FHIT: variants seen among roughly 807,000 people sequenced by gnomAD.
FHIT encodes fragile histidine triad diadenosine triphosphatase, also known as bis(5'-adenosyl)-triphosphatase.
FHIT carries 19 observed loss-of-function variants against 17.9 expected under a neutral mutation model. The ratio of observed to expected loss-of-function variants is 1.06; its 90% CI spans 0.74 to 1.56. The LOEUF is 1.56. Among genes scored for constraint, FHIT ranks in the 40% most tolerant of loss-of-function variants. FHIT has a pLI of 0.00. For missense variants in FHIT, 248 were observed against 189.2 expected (o/e 1.31, Z -1.82); for synonymous variants, 81 against 69.7 (o/e 1.16, Z -0.81).
At chr3:59,830,245 T>C (rs1168896705) in intron 8 of FHIT, among the ~76,000 whole-genome samples, 1 of 152,198 alleles carries the variant, frequency 6.6e-6, no homozygotes, top group East Asian at 1.9e-4. Flanking sequence ...AAATGCTGAG[T>C]ACAAATATTT....
intron 2 of FHIT, among the ~76,000 whole-genome samples, chr3:61,154,467 G>T (rs990487997): frequency 1.3e-5 from 2 of 150,054 alleles, no homozygotes; most frequent in African/African-American, 2.4e-5. Context: ...GAAAAACAGA[G>T]AAATTTTGTT....
rs143084419 is a variant in FHIT, at chr3:61,088,220, T to G, written c.-163-46121A>C. Among the ~76,000 whole-genome samples, 963 of 152,224 alleles carry G rather than the reference T, an allele frequency of 6.3e-3. 38 individuals are homozygous for G. The highest frequency in any genetic ancestry group is 0.057 in the Admixed American group (870 of 15,288). On this transcript the variant is annotated intron_variant, in intron 2 of 9. Coordinates refer to ENST00000492590, the MANE Select transcript of FHIT (RefSeq NM_002012.4). The stretch of plus-strand genomic sequence containing the variant: ...ACACTGCCCAGAAAAGAGTTTTGTT[T>G]TAGAACTGGAAGGTCATCCCAAGAA...
chr3:60,452,152 C>T (rs1394091045), intron 5 of FHIT, among the ~76,000 whole-genome samples: 1 of 152,168 alleles, frequency 6.6e-6, no homozygotes, highest in Non-Finnish European at 1.5e-5. Context: ...ATCTTCATTT[C>T]AGGCCCTGCA....
intron 2 of FHIT, among the ~76,000 whole-genome samples, chr3:61,143,604 G>A (rs539810219): frequency 1.3e-5 from 2 of 152,310 alleles, no homozygotes; most frequent in South Asian, 4.2e-4. Context: ...AGTGGCTCAC[G>A]CCTGTAATCC....
intron 5 of FHIT, among the ~76,000 whole-genome samples, chr3:60,208,799 T>C (rs899361096): frequency 6.6e-6 from 1 of 152,172 alleles, no homozygotes; most frequent in Non-Finnish European, 1.5e-5. Flanking sequence ...TTTTAGACCT[T>C]TTTTGTAGGT....
At chr3:60,808,653 G>A (rs553428336) in intron 4 of FHIT, among the ~76,000 whole-genome samples, 4 of 152,324 alleles carry the variant, frequency 2.6e-5, no homozygotes, top group African/African-American at 4.8e-5. Context: ...GAAAAGGGAT[G>A]AAGAAAGCAG....
At chr3:60,032,861 G>A (rs1022303669) in intron 5 of FHIT, among the ~76,000 whole-genome samples, 1 of 152,162 alleles carries the variant, frequency 6.6e-6, no homozygotes, top group Non-Finnish European at 1.5e-5. Flanking sequence ...TTTTACTTAA[G>A]TGTATAATCA....
chr3:60,843,939 C>T (rs186676882), intron 3 of FHIT, among the ~76,000 whole-genome samples: 5 of 152,172 alleles, frequency 3.3e-5, no homozygotes, highest in Admixed American at 3.3e-4. Flanking sequence ...AGGGGTAAGG[C>T]AAGCACGCAT....
chr3:60,153,921 T>C (rs184677685), intron 5 of FHIT, among the ~76,000 whole-genome samples: 1 of 152,322 alleles, frequency 6.6e-6, no homozygotes, highest in East Asian at 1.9e-4. Flanking sequence ...ACTGCTTTTG[T>C]TCTTTAGAGA....
At chr3:60,700,649 A>G (rs1454267251) in intron 4 of FHIT, among the ~76,000 whole-genome samples, 1 of 152,186 alleles carries the variant, frequency 6.6e-6, no homozygotes, top group African/African-American at 2.4e-5. Context: ...GAGCAAGTGT[A>G]CCATTAATTT....
chr3:60,918,343 A>G (rs1176406730), intron 3 of FHIT, among the ~76,000 whole-genome samples: 1 of 152,256 alleles, frequency 6.6e-6, no homozygotes, highest in Non-Finnish European at 1.5e-5. Flanking sequence ...CATTCAACTC[A>G]GCAAACATTT....
chr3:60,994,494 T>A (rs2030506567), intron 3 of FHIT, among the ~76,000 whole-genome samples: 1 of 152,202 alleles, frequency 6.6e-6, no homozygotes, highest in Admixed American at 6.5e-5. Flanking sequence ...GACTTTGAAA[T>A]CAAACCATTT....
chr3:61,091,936 TA>T (rs58005720), intron 2 of FHIT, among the ~76,000 whole-genome samples: 1,624 of 61,302 alleles, frequency 0.026, 66 homozygotes, highest in African/African-American at 0.099. Flanking sequence ...AGACCTTGTC[TA>T]AAAAAAAAAA....
chr3:60,314,485 A>G lies in FHIT; in HGVS notation c.103+222375T>C, dbSNP rs181543874. ...AAAAATCATAATTTTTCACCTCAAA[A>G]GGAAACTGAGAAGAGAAGTATGATG... On this transcript the variant is annotated intron_variant, in intron 5 of 9. Transcript: ENST00000492590. 3.8e-3 allele frequency among the ~76,000 whole-genome samples: 580 copies of G among 152,314 alleles called. 16 individuals are homozygous for G. The South Asian group carries it at 0.067, about 17-fold the overall frequency.
chr3:60,016,089 T>G (rs544128141), intron 5 of FHIT, among the ~76,000 whole-genome samples: 1 of 152,342 alleles, frequency 6.6e-6, no homozygotes, highest in South Asian at 2.1e-4. Context: ...ACATAGGCTA[T>G]GAAGACACAT....
At chr3:59,757,005 CTG>C (rs1173532486) in intron 8 of FHIT, among the ~76,000 whole-genome samples, 1 of 152,168 alleles carries the variant, frequency 6.6e-6, no homozygotes, top group Non-Finnish European at 1.5e-5. Context: ...TTCCAACTGA[CTG>C]TGTCTGGGAT....
chr3:61,192,552 GC>G (rs1476125737), intron 2 of FHIT, among the ~76,000 whole-genome samples: 1 of 152,154 alleles, frequency 6.6e-6, no homozygotes, highest in Non-Finnish European at 1.5e-5. Flanking sequence ...AGGGCAGGGA[GC>G]TTTTTTCTTT....
At chr3:61,170,815 A>G (rs1156400982) in intron 2 of FHIT, among the ~76,000 whole-genome samples, 1 of 152,138 alleles carries the variant, frequency 6.6e-6, no homozygotes, top group Non-Finnish European at 1.5e-5. Flanking sequence ...GCTATTGTGA[A>G]TAGTGTTGCA....
chr3:60,801,315 G>A (rs1338556336), intron 4 of FHIT, among the ~76,000 whole-genome samples: 1 of 152,210 alleles, frequency 6.6e-6, no homozygotes, highest in Non-Finnish European at 1.5e-5. Flanking sequence ...GATGCCCAAT[G>A]CCACTTAGGC....
Sources: gnomAD v4.1 joint callset for allele counts (sites outside exome capture counted in the v4.1 genomes callset) on GRCh38, gnomAD v4.1.1 for gene constraint, MANE v1.5 for transcripts, NCBI Gene and HGNC (gene_info 2026-07-23, HGNC 2026-07-21) for gene names.